UTRN: variants seen among roughly 807,000 people sequenced by gnomAD.
UTRN encodes the protein dystrophin-related protein 1.
Under a neutral mutation model 463.9 loss-of-function variants are expected in UTRN, and 283 were observed. The observed-to-expected ratio is 0.61, with a 90% CI of 0.55 to 0.67. The LOEUF (loss-of-function observed/expected upper bound fraction) is 0.67, where lower values mean the gene tolerates loss of function less well. UTRN is among the 30% of genes least tolerant of loss of function. The pLI is 0.00. For missense variants in UTRN, 3,922 were observed against 4,084.3 expected, an observed-to-expected ratio of 0.96 and a Z score of 1.08; for synonymous variants, 1,442 against 1,431.5, an observed-to-expected ratio of 1.01 and a Z score of -0.17.
intron 51 of UTRN, among the ~76,000 whole-genome samples, chr6:144,626,963 G>A (rs1278034404): frequency 6.6e-6 from 1 of 152,190 alleles, no homozygotes; most frequent in Non-Finnish European, 1.5e-5. Context: ...ATTTCAGTTT[G>A]CAGCCTCTGG....
In UTRN at chr6:144,436,787, T is replaced by A. The variant is rs565632476; in HGVS notation, c.1059+649T>A. ...TATTTATATATATAATAAATAAATA[T>A]ATATTTATATATAAATATATATAAA... On this transcript the variant is annotated intron_variant, in intron 10 of 74. Transcript: ENST00000367545. Among the ~76,000 whole-genome samples the A allele has an allele frequency of 3.4e-3, 486 of 144,186 alleles. 1 individual carries two copies. The highest frequency in any genetic ancestry group is 5.6e-3 in the Non-Finnish European group (371 of 65,976). The allele number at this position is 144,186 out of a possible 152,430, so 94.6% of individuals were successfully genotyped here. A position where few individuals can be genotyped will look rare whatever the true frequency, so the allele number is the denominator to read the frequency against.
intron 39 of UTRN, among the ~76,000 whole-genome samples, chr6:144,519,067 A>G (rs1423177611): frequency 6.6e-6 from 1 of 152,168 alleles, no homozygotes; most frequent in African/African-American, 2.4e-5. Flanking sequence ...TACAGGACTC[A>G]TTGTCTTACC....
intron 26 of UTRN, among the ~76,000 whole-genome samples, chr6:144,481,295 A>G (rs1008462143): frequency 6.6e-6 from 1 of 152,192 alleles, no homozygotes; most frequent in Non-Finnish European, 1.5e-5. Flanking sequence ...ATTAAAAGTA[A>G]TGGCATAAAC....
chr6:144,374,565 C>T (rs1034311851), intron 2 of UTRN, among the ~76,000 whole-genome samples: 4 of 151,530 alleles, frequency 2.6e-5, no homozygotes, highest in East Asian at 2.0e-4. Flanking sequence ...CTCATTGCAA[C>T]CTCCGCCTCC....
intron 2 of UTRN, among the ~76,000 whole-genome samples, chr6:144,370,399 T>A (rs528881464): frequency 6.6e-6 from 1 of 152,220 alleles, no homozygotes; most frequent in Non-Finnish European, 1.5e-5. Flanking sequence ...GGCTTATGCA[T>A]GGTGTTGGAC....
intron 2 of UTRN, among the ~76,000 whole-genome samples, chr6:144,396,414 T>G (rs764479427): frequency 5.9e-5 from 9 of 152,174 alleles, no homozygotes; most frequent in Non-Finnish European, 1.3e-4. Context: ...GAGTTTATGT[T>G]CAGTGTGATG....
chr6:144,611,524 A>T (rs1402493749), intron 51 of UTRN, among the ~76,000 whole-genome samples: 1 of 152,250 alleles, frequency 6.6e-6, no homozygotes, highest in African/African-American at 2.4e-5. Flanking sequence ...AGGATACAAC[A>T]TCAACATATA....
At chr6:144,842,780 T>A (rs571083294) in intron 73 of UTRN, among the ~76,000 whole-genome samples, 4 of 152,212 alleles carry the variant, frequency 2.6e-5, no homozygotes, top group Non-Finnish European at 5.9e-5. Context: ...GAATCACATT[T>A]ACACTACATC....
At chr6:144,403,299 G>T (rs1383810895) in intron 3 of UTRN, 115 bp downstream of exon 3, 4 of 823,382 alleles carry the variant, frequency 4.9e-6, no homozygotes, top group Non-Finnish European at 8.1e-6. Flanking sequence ...GAAGTCTTCT[G>T]AGTATGCAGA....
At chr6:144,760,127 G>C (rs1040601454) in intron 58 of UTRN, among the ~76,000 whole-genome samples, 2 of 151,810 alleles carry the variant, frequency 1.3e-5, no homozygotes, top group Non-Finnish European at 2.9e-5. Flanking sequence ...TATATGTTTA[G>C]GTTAATTATA....
chr6:144,541,620 T>C (rs1008364944), intron 45 of UTRN, among the ~76,000 whole-genome samples: 4 of 152,204 alleles, frequency 2.6e-5, no homozygotes, highest in Admixed American at 1.3e-4. Context: ...TAGGTTTTTA[T>C]TGGAGTCTCA....
chr6:144,506,471 C>T (rs1333567332), intron 34 of UTRN, among the ~76,000 whole-genome samples: 1 of 152,172 alleles, frequency 6.6e-6, no homozygotes, highest in Non-Finnish European at 1.5e-5. Context: ...GACAGAATAT[C>T]TCAGCATTTG....
intron 2 of UTRN, among the ~76,000 whole-genome samples, chr6:144,344,887 C>T (rs769173848): frequency 6.6e-6 from 1 of 152,260 alleles, no homozygotes; most frequent in East Asian, 1.9e-4. Flanking sequence ...GGGAAAGTGT[C>T]GTGCACTTTT....
intron 41 of UTRN, among the ~76,000 whole-genome samples, chr6:144,530,418 A>T (rs1268793979): frequency 6.6e-6 from 1 of 152,182 alleles, no homozygotes; most frequent in Non-Finnish European, 1.5e-5. Context: ...GTACAGTCAC[A>T]CTGTGGGGTT....
At chr6:144,332,634 C>G (rs1384569160) in intron 2 of UTRN, among the ~76,000 whole-genome samples, 2 of 151,948 alleles carry the variant, frequency 1.3e-5, no homozygotes, top group Admixed American at 1.3e-4. Flanking sequence ...ACTCAGAATA[C>G]TTAAGTTACA....
At chr6:144,687,109 G>A (rs542686192) in intron 52 of UTRN, among the ~76,000 whole-genome samples, 9 of 152,118 alleles carry the variant, frequency 5.9e-5, no homozygotes, top group African/African-American at 1.2e-4. Context: ...ACATTCCTGC[G>A]TCCCTGGGAT....
At chr6:144,460,706 A>C (rs952901288) in intron 21 of UTRN, among the ~76,000 whole-genome samples, 1 of 152,196 alleles carries the variant, frequency 6.6e-6, no homozygotes, top group Non-Finnish European at 1.5e-5. Flanking sequence ...ACTGAGGTAG[A>C]CACTGTTCCA....
intron 51 of UTRN, among the ~76,000 whole-genome samples, chr6:144,591,419 C>T (rs1474127522): frequency 2.0e-5 from 3 of 152,176 alleles, no homozygotes; most frequent in African/African-American, 7.2e-5. Flanking sequence ...CTGTAGGATG[C>T]TCCTCAATTT....
At chr6:144,724,694 C>T (rs1787658441) in intron 53 of UTRN, among the ~76,000 whole-genome samples, 1 of 152,068 alleles carries the variant, frequency 6.6e-6, no homozygotes, top group African/African-American at 2.4e-5. Context: ...TACACTATGC[C>T]CTTTCATGTC....
Sources: allele counts gnomAD v4.1 joint callset (sites outside exome capture counted in the v4.1 genomes callset), GRCh38; gene constraint gnomAD v4.1.1; transcripts MANE v1.5; gene names NCBI Gene and HGNC (gene_info 2026-07-23, HGNC 2026-07-21).